LIN7A: variants seen among roughly 807,000 people sequenced by gnomAD.
The protein encoded by LIN7A is protein lin-7 homolog A.
A neutral mutation model predicts 29.8 loss-of-function variants in LIN7A; 25 were observed. That is an observed-to-expected ratio of 0.84 (90% CI 0.61 to 1.17). The LOEUF (loss-of-function observed/expected upper bound fraction) is 1.17. Among genes scored for constraint, LIN7A ranks in the 50% most tolerant of loss-of-function variants. LIN7A has a pLI of 0.00. For synonymous variants in LIN7A, 118 were observed against 107.5 expected, an observed-to-expected ratio of 1.10 and a Z score of -0.60; for missense variants, 239 against 287.0, an observed-to-expected ratio of 0.83 and a Z score of 1.21.
chr12:80,826,954 T>G (rs1304776581), intron 4 of LIN7A, among the ~76,000 whole-genome samples: 1 of 152,180 alleles, frequency 6.6e-6, no homozygotes, highest in Non-Finnish European at 1.5e-5. Context: ...CCTAGCACAG[T>G]GCACAGTACT....
At chr12:80,879,523 A>G (rs995294288) in intron 2 of LIN7A, among the ~76,000 whole-genome samples, 1 of 152,090 alleles carries the variant, frequency 6.6e-6, no homozygotes, top group South Asian at 2.1e-4. Flanking sequence ...GAAAACATAT[A>G]TTCTGCTTAA....
intron 1 of LIN7A, among the ~76,000 whole-genome samples, chr12:80,932,506 C>T (rs1452372721): frequency 6.6e-6 from 1 of 152,186 alleles, no homozygotes; most frequent in Non-Finnish European, 1.5e-5. Flanking sequence ...TAATACCAAC[C>T]TTGTATCTTA....
At chr12:80,828,614 G>A (rs566654729) in intron 4 of LIN7A, among the ~76,000 whole-genome samples, 6 of 152,260 alleles carry the variant, frequency 3.9e-5, no homozygotes, top group African/African-American at 1.2e-4. Context: ...AACACTGCAA[G>A]TTATGTAATG....
At chr12:80,909,770 C>A (rs979422927) in intron 1 of LIN7A, among the ~76,000 whole-genome samples, 3 of 151,928 alleles carry the variant, frequency 2.0e-5, no homozygotes, top group Non-Finnish European at 4.4e-5. Context: ...TTTACCATAA[C>A]ACCTTTCAAC....
chr12:80,921,937 C>T (rs1180758036), intron 1 of LIN7A, among the ~76,000 whole-genome samples: 2 of 152,162 alleles, frequency 1.3e-5, no homozygotes, highest in Non-Finnish European at 2.9e-5. Context: ...TGCAAATATT[C>T]CCTTTGAGTT....
chr12:80,889,586 G>C (rs890528594), intron 1 of LIN7A, among the ~76,000 whole-genome samples: 1 of 152,052 alleles, frequency 6.6e-6, no homozygotes, highest in African/African-American at 2.4e-5. Flanking sequence ...TCTTTGATGG[G>C]ATTTCATGTA....
rs138445660 is a variant in LIN7A, at chr12:80,792,975, T to C, written c.*4752A>G. On this transcript the variant is annotated 3_prime_UTR_variant, in exon 6 of 6. Coordinates refer to ENST00000552864, the MANE Select transcript of LIN7A (RefSeq NM_004664.4). ...GATTTGTTTACCATGAATAATACTT[T>C]GTTAATATCTTTTGTATATTACTTT... The C allele has an allele frequency of 6.6e-6, 1 of 152,320 alleles. No homozygotes were observed. The highest frequency in any genetic ancestry group is 2.4e-5 in the African/African-American group (1 of 41,582). The allele number at this position is 152,320 out of a possible 1,614,324, so 9.4% of individuals were successfully genotyped here. A position where few individuals can be genotyped will look rare whatever the true frequency, so the allele number is the denominator to read the frequency against.
chr12:80,817,781 C>T (rs929388871), intron 4 of LIN7A, among the ~76,000 whole-genome samples: 26 of 151,972 alleles, frequency 1.7e-4, no homozygotes, highest in Admixed American at 8.5e-4. Flanking sequence ...TTTATAAGTC[C>T]GTTAGTTGTA....
At chr12:80,825,869 T>A (rs535099490) in intron 4 of LIN7A, among the ~76,000 whole-genome samples, 1 of 152,298 alleles carries the variant, frequency 6.6e-6, no homozygotes, top group Admixed American at 6.5e-5. Context: ...ATACTTTAAA[T>A]ATCTAGCCTG....
intron 1 of LIN7A, among the ~76,000 whole-genome samples, chr12:80,902,735 C>A (rs1876289211): frequency 1.3e-5 from 2 of 152,094 alleles, no homozygotes; most frequent in Non-Finnish European, 2.9e-5. Flanking sequence ...TTACTTAAGT[C>A]ATTTATGAGT....
At chr12:80,923,969 A>G (rs1877447145) in intron 1 of LIN7A, among the ~76,000 whole-genome samples, 1 of 152,230 alleles carries the variant, frequency 6.6e-6, no homozygotes, top group South Asian at 2.1e-4. Flanking sequence ...TATTGTGAAG[A>G]TTAATTAAAA....
At chr12:80,813,975 C>G (rs1195924694) in intron 4 of LIN7A, among the ~76,000 whole-genome samples, 1 of 151,992 alleles carries the variant, frequency 6.6e-6, no homozygotes, top group Non-Finnish European at 1.5e-5. Flanking sequence ...AGGCCACCCT[C>G]AATTGTTTGA....
chr12:80,828,774 A>C (rs1276019518), intron 4 of LIN7A, among the ~76,000 whole-genome samples: 2 of 123,830 alleles, frequency 1.6e-5, no homozygotes, highest in Non-Finnish European at 3.5e-5. Flanking sequence ...TGTATTTAAA[A>C]ATAAATAAAT....
intron 2 of LIN7A, among the ~76,000 whole-genome samples, chr12:80,871,555 G>A (rs576233651): frequency 1.1e-4 from 16 of 151,822 alleles, no homozygotes; most frequent in Non-Finnish European, 1.6e-4. Context: ...AATCCCAAAC[G>A]TACTGAAATA....
chr12:80,876,453 AT>A, intron 2 of LIN7A, among the ~76,000 whole-genome samples: 1 of 152,366 alleles, frequency 6.6e-6, no homozygotes, highest in Non-Finnish European at 1.5e-5. Flanking sequence ...TGAGAATTTT[AT>A]TCATGAAAGA....
At chr12:80,831,949 T>A (rs1872369618) in intron 4 of LIN7A, among the ~76,000 whole-genome samples, 1 of 152,240 alleles carries the variant, frequency 6.6e-6, no homozygotes, top group African/African-American at 2.4e-5. Flanking sequence ...CTGTGCACTG[T>A]CTAGCCTGGT....
At chr12:80,848,638 A>T (rs995480205) in intron 2 of LIN7A, among the ~76,000 whole-genome samples, 3 of 152,162 alleles carry the variant, frequency 2.0e-5, no homozygotes, top group African/African-American at 7.2e-5. Flanking sequence ...GTACAGAAAA[A>T]AAAAAACTTA....
intron 2 of LIN7A, among the ~76,000 whole-genome samples, chr12:80,862,572 G>T (rs1394394420): frequency 6.6e-6 from 1 of 152,042 alleles, no homozygotes; most frequent in East Asian, 1.9e-4. Context: ...GGCCAACAGC[G>T]CTATAATGCA....
intron 2 of LIN7A, among the ~76,000 whole-genome samples, chr12:80,886,220 A>G (rs765376166): frequency 3.3e-5 from 5 of 151,468 alleles, no homozygotes; most frequent in Non-Finnish European, 7.4e-5. Flanking sequence ...TTTTTTTGCC[A>G]GTATTACAAT....
Sources: gnomAD v4.1 joint callset for allele counts (sites outside exome capture counted in the v4.1 genomes callset) on GRCh38, gnomAD v4.1.1 for gene constraint, MANE v1.5 for transcripts, NCBI Gene and HGNC (gene_info 2026-07-23, HGNC 2026-07-21) for gene names.